Variants in NLN observed in about 807,000 individuals in gnomAD.
NLN encodes neurolysin, also known as neurolysin, mitochondrial.
NLN carries 64 observed loss-of-function variants against 79.9 expected under a neutral mutation model. The ratio of observed to expected loss-of-function variants is 0.80; its 90% CI spans 0.65 to 0.99. The LOEUF (loss-of-function observed/expected upper bound fraction) is 0.99, where lower values mean the gene tolerates loss of function less well. Ranked by LOEUF, NLN falls within the 50% of genes least tolerant of loss-of-function variation. The probability of loss-of-function intolerance (pLI) is 0.00; values close to 1 mark genes in which losing one functional copy is unlikely to be tolerated. For synonymous variants in NLN, 267 were observed against 296.6 expected (o/e 0.90, Z 1.02); for missense variants, 835 against 858.7 (o/e 0.97, Z 0.34).
Position 65,732,787 on chromosome 5 carries a change from G to A in NLN, c.41+10373G>A, listed in dbSNP as rs4091934. On this transcript the variant is annotated intron_variant, in intron 1 of 12. Coordinates refer to ENST00000380985, the MANE Select transcript of NLN (RefSeq NM_020726.5). ...GTCTGCTGAAAGATGCAGTAAAGAG[G>A]CTTTAAAGATTTTGTGGCCTTGAAC... is the stretch of plus-strand genomic sequence containing the variant. Among the ~76,000 whole-genome samples the A allele has an allele frequency of 5.1e-3, 644 of 127,216 alleles. 2 individuals carry two copies. Among genetic ancestry groups the A allele is most frequent in the Middle Eastern group, 0.012 (3 of 242 alleles). The allele number at this position is 127,216 out of a possible 152,430, so 83.5% of individuals were successfully genotyped here.
intron 1 of NLN, among the ~76,000 whole-genome samples, chr5:65,742,760 A>G (rs890315446): frequency 5.3e-5 from 8 of 152,206 alleles, no homozygotes; most frequent in African/African-American, 1.9e-4. Flanking sequence ...TTGCTTTTCA[A>G]GTGTACTGGC....
chr5:65,812,457 A>G, intron 12 of NLN, 66 bp downstream of exon 12: 2 of 1,104,074 alleles, frequency 1.8e-6, no homozygotes, highest in East Asian at 4.7e-5. Flanking sequence ...CTCCTAGTGT[A>G]AAATATTGGT....
intron 1 of NLN, among the ~76,000 whole-genome samples, chr5:65,738,988 T>TATAAATATATAA (rs1554028926): frequency 8.4e-6 from 1 of 118,428 alleles, no homozygotes; most frequent in Non-Finnish European, 1.8e-5. Context: ...TATTATATAT[T>TATAAATATATAA]TATATATATT....
intron 1 of NLN, among the ~76,000 whole-genome samples, chr5:65,737,282 C>T (rs1422595430): frequency 6.6e-6 from 1 of 152,116 alleles, no homozygotes; most frequent in Non-Finnish European, 1.5e-5. Flanking sequence ...ACTAATAAAT[C>T]TCTAAACTAA....
rs761665551 is a variant in NLN at position 65,777,415 on chromosome 5, C to G, written c.451-12C>G. ...TTTCAACCGAAATGGTTTTCATGCTCTTTAATTTCAGGAAACCTGTGATCT... is the reference window on the plus strand; with the variant it reads ...TTTCAACCGAAATGGTTTTCATGCTGTTTAATTTCAGGAAACCTGTGATCT... On this transcript the variant is annotated splice_polypyrimidine_tract_variant and intron_variant, in intron 3 of 12. Transcript: ENST00000380985. 4.5e-6 allele frequency: 7 copies of G among 1,560,950 alleles called. No individual in the cohort carries two copies. Among genetic ancestry groups the G allele is most frequent in the Middle Eastern group, 3.3e-4 (2 of 5,996 alleles).
intron 9 of NLN, among the ~76,000 whole-genome samples, chr5:65,808,845 A>T (rs115693180): frequency 0.018 from 2,699 of 152,322 alleles, 27 homozygotes; most frequent in African/African-American, 0.035. Flanking sequence ...TTTTAAGGTA[A>T]CATTGTCTAC....
chr5:65,733,998 T>C (rs34987), intron 1 of NLN, among the ~76,000 whole-genome samples: 58,243 of 134,788 alleles, frequency 0.43, 18,470 homozygotes, highest in South Asian at 0.52. Flanking sequence ...CCAGGGTTCA[T>C]GCCATTCTCC....
At chr5:65,779,134 T>G (rs1759744713) in intron 4 of NLN, among the ~76,000 whole-genome samples, 1 of 152,132 alleles carries the variant, frequency 6.6e-6, no homozygotes, top group African/African-American at 2.4e-5. Flanking sequence ...AGTCTCAAAT[T>G]TAGTGTGCAT....
chr5:65,776,019 G>A (rs1217894015), intron 3 of NLN, among the ~76,000 whole-genome samples: 2 of 152,238 alleles, frequency 1.3e-5, no homozygotes, highest in South Asian at 2.1e-4. Context: ...TTGGGAGGCC[G>A]AGGCAGGTGG....
At chr5:65,790,353 T>C (rs1242994533) in intron 8 of NLN, among the ~76,000 whole-genome samples, 1 of 152,194 alleles carries the variant, frequency 6.6e-6, no homozygotes, top group East Asian at 1.9e-4. Flanking sequence ...TTTCTCACAG[T>C]GCTGTAAAGA....
intron 9 of NLN, among the ~76,000 whole-genome samples, chr5:65,797,834 A>T (rs1021649176): frequency 2.6e-5 from 4 of 152,246 alleles, no homozygotes; most frequent in Admixed American, 6.5e-5. Flanking sequence ...AACAGAATTC[A>T]CAAATGCTTA....
At chr5:65,798,788 ATGTGC>A (rs774013372) in intron 9 of NLN, among the ~76,000 whole-genome samples, 33 of 152,338 alleles carry the variant, frequency 2.2e-4, no homozygotes, top group Non-Finnish European at 3.1e-4. Flanking sequence ...TTATTTGGGA[ATGTGC>A]TTATTTCTTT....
In NLN at chr5:65,780,369, T is replaced by C. The variant is rs1042842396; in HGVS notation, c.661+88T>C. On this transcript the variant is annotated intron_variant, in intron 5 of 12. Transcript: ENST00000380985. ...TTTGTTTTACTTTCCAGATACAAAA[T>C]TTCTAAATCATAGTTCAAATAATTA... The C allele has an allele frequency of 5.1e-6, 3 of 584,112 alleles. No individual in the cohort carries two copies. In the African/African-American group the frequency reaches 5.9e-5, roughly 12 times the overall value. 36.2% of individuals were successfully genotyped at this position (584,112 alleles called of 1,614,324 possible).
chr5:65,727,633 A>G (rs747643986), intron 1 of NLN, among the ~76,000 whole-genome samples: 1 of 152,204 alleles, frequency 6.6e-6, no homozygotes, highest in Non-Finnish European at 1.5e-5. Flanking sequence ...AGCCTAATGT[A>G]TATTATAGAA....
intron 3 of NLN, among the ~76,000 whole-genome samples, chr5:65,770,306 A>G (rs992288472): frequency 3.9e-5 from 6 of 152,244 alleles, no homozygotes; most frequent in Non-Finnish European, 7.3e-5. Flanking sequence ...ATTCTAGGAT[A>G]TATAAAGAAC....
rs1179048818 is a variant in NLN, at chr5:65,794,149, G to A, written c.1527+1494G>A. 2.0e-5 allele frequency among the ~76,000 whole-genome samples: 3 copies of A among 152,198 alleles called. No individual in the cohort carries two copies. In the East Asian group the frequency reaches 5.8e-4, roughly 29 times the overall value. Reference sequence around the variant, plus strand: ...GAGCAGCAGCAAGTGCAAACTGATGGAAGTGGTTTATGTTGTCAGCTCAGG... The same window carrying A: ...GAGCAGCAGCAAGTGCAAACTGATGAAAGTGGTTTATGTTGTCAGCTCAGG... On this transcript the variant is annotated intron_variant, in intron 9 of 12. Coordinates refer to ENST00000380985, the MANE Select transcript of NLN (RefSeq NM_020726.5).
At position 65,826,383 on chromosome 5, in the gene NLN, CACAA is replaced by C. The variant is rs1350013008; in HGVS notation, c.*3472_*3475del. The C allele has an allele frequency of 6.6e-6, 1 of 152,136 alleles. No homozygotes were observed. Among genetic ancestry groups the C allele is most frequent in the East Asian group, 1.9e-4 (1 of 5,198 alleles). 9.4% of individuals were successfully genotyped at this position (152,136 alleles called of 1,614,324 possible). Reference sequence around the variant, plus strand: ...TACGGCTTCAATGTAGGGGATGGGGCACAAACATTCAGTCCATAACGAATACTGA... The same window carrying C: ...TACGGCTTCAATGTAGGGGATGGGGCACATTCAGTCCATAACGAATACTGA... On this transcript the variant is annotated 3_prime_UTR_variant, in exon 13 of 13. Coordinates refer to ENST00000380985, the MANE Select transcript of NLN (RefSeq NM_020726.5).
At chr5:65,807,176 CAA>C (rs35751319) in intron 9 of NLN, among the ~76,000 whole-genome samples, 171 of 139,204 alleles carry the variant, frequency 1.2e-3, no homozygotes, top group Admixed American at 1.2e-3. Flanking sequence ...GACCCTGTCT[CAA>C]AAAAAAAAAA....
At chr5:65,786,320 A>G (rs894419133) in intron 7 of NLN, among the ~76,000 whole-genome samples, 1 of 152,224 alleles carries the variant, frequency 6.6e-6, no homozygotes, top group South Asian at 2.1e-4. Flanking sequence ...AACATTTAAT[A>G]TTCCAGAAAC....
Sources: allele counts gnomAD v4.1 joint callset (sites outside exome capture counted in the v4.1 genomes callset), GRCh38; gene constraint gnomAD v4.1.1; transcripts MANE v1.5; gene names NCBI Gene and HGNC (gene_info 2026-07-23, HGNC 2026-07-21).